The following ZNF831 variants were observed in gnomAD, a reference collection of about 807,000 sequenced individuals.
The protein encoded by ZNF831 is zinc finger protein 831, also known as chromosome 20 open reading frame 174.
A neutral mutation model predicts 95.8 loss-of-function variants in ZNF831; 59 were observed. The ratio of observed to expected loss-of-function variants is 0.62; its 90% CI spans 0.50 to 0.77. ZNF831 has a LOEUF of 0.77. ZNF831 is among the 30% of genes least tolerant of loss of function. ZNF831 has a pLI of 0.00. For missense variants in ZNF831, 2,205 were observed against 2,164.0 expected (o/e 1.02, Z -0.38); for synonymous variants, 961 against 925.5 (o/e 1.04, Z -0.70).
chr20:59,124,611 T>C (rs1424327753), intron 1 of ZNF831, among the ~76,000 whole-genome samples: 1 of 152,108 alleles, frequency 6.6e-6, no homozygotes, highest in Non-Finnish European at 1.5e-5. Flanking sequence ...TCCAGGATCG[T>C]TGCTGTCTGT....
At chr20:59,167,259 C>T (rs1276275160) in intron 1 of ZNF831, among the ~76,000 whole-genome samples, 1 of 152,122 alleles carries the variant, frequency 6.6e-6, no homozygotes, top group African/African-American at 2.4e-5. Flanking sequence ...CATGTGTTTG[C>T]ACACTTTCTA....
intron 1 of ZNF831, among the ~76,000 whole-genome samples, chr20:59,128,967 T>C (rs1979264426): frequency 6.6e-6 from 1 of 152,172 alleles, no homozygotes; most frequent in African/African-American, 2.4e-5. Flanking sequence ...TCACCCGTTG[T>C]TGGCCAGGCT....
chr20:59,254,936 C>T lies in ZNF831; in HGVS notation c.*193C>T, dbSNP rs1044229878. 33 of 668,860 alleles carry T rather than the reference C, an allele frequency of 4.9e-5. No homozygotes were observed. Among genetic ancestry groups the T allele is most frequent in the Middle Eastern group, 4.3e-4 (1 of 2,326 alleles). The allele number at this position is 668,860 out of a possible 1,614,324, so 41.4% of individuals were successfully genotyped here. On this transcript the variant is annotated 3_prime_UTR_variant, in exon 6 of 6. Transcript: ENST00000371030. This position sits in a 1 kb window ranked among gnomAD's most constrained non-coding sequence, Gnocchi z 4.5. Reference sequence around the variant, plus strand: ...TCAGCCGCAGCGTTCCCCAGCTCCCCTTGGGAGTGCTCTGCTCATCTTCAA... The same window carrying T: ...TCAGCCGCAGCGTTCCCCAGCTCCCTTTGGGAGTGCTCTGCTCATCTTCAA...
rs2146546034 is a variant in ZNF831, at chr20:59,191,322, C to T, written c.303C>T (p.Gly101=). 5 of 1,600,140 alleles carry T rather than the reference C, an allele frequency of 3.1e-6. No individual in the cohort carries two copies. The highest frequency in any genetic ancestry group is 4.3e-6 in the Non-Finnish European group (5 of 1,173,520). ...CTGTGCTGCAGCCTGAAGGGCCTGG[C>T]CCCACCCAGGTGGGGAAGCCGGCGG... ...LSPVLQPEGP[G]PTQVGKPAAP... is the part of the protein sequence containing the mutation. The change falls in exon 2 of 6, where the codon GGC becomes GGT. Residue 101 remains glycine, a synonymous_variant. Transcript: ENST00000371030.
chr20:59,249,254 A>G (rs259964), intron 4 of ZNF831, among the ~76,000 whole-genome samples: 77,991 of 151,828 alleles, frequency 0.51, 21,292 homozygotes, highest in East Asian at 0.89. Flanking sequence ...AAGCCCCCTC[A>G]TTACTCTCTT....
In ZNF831 at chr20:59,256,644, G is replaced by A. The variant is rs1287709286; in HGVS notation, c.*1901G>A. 1 of 152,250 alleles carries A rather than the reference G, an allele frequency of 6.6e-6. No homozygotes were observed. Among genetic ancestry groups the A allele is most frequent in the East Asian group, 1.9e-4 (1 of 5,192 alleles). 9.4% of individuals were successfully genotyped at this position (152,250 alleles called of 1,614,324 possible). ...AATTTTTCTGAGAATGGTTGATAGA[G>A]AAGCTGCTCTCTCCTTAAAATGCAT... On this transcript the variant is annotated 3_prime_UTR_variant, in exon 6 of 6. Coordinates refer to ENST00000371030, the MANE Select transcript of ZNF831 (RefSeq NM_178457.3).
intron 1 of ZNF831, among the ~76,000 whole-genome samples, chr20:59,140,385 G>T (rs768418115): frequency 1.3e-5 from 2 of 152,202 alleles, no homozygotes; most frequent in Non-Finnish European, 2.9e-5. Context: ...GCTGGCCAGA[G>T]AGTCTGCTCC....
intron 1 of ZNF831, among the ~76,000 whole-genome samples, chr20:59,168,485 TGAGAATTTGTATGTAGACAATAATCTC>T: frequency 6.6e-6 from 1 of 150,558 alleles, no homozygotes; most frequent in Non-Finnish European, 1.5e-5. Flanking sequence ...GTAGATTCTT[TGAGAATTTGTATGTAGACAATAATCTC>T]ATCTGCAAGT....
intron 3 of ZNF831, among the ~76,000 whole-genome samples, chr20:59,206,653 G>A (rs1158367372): frequency 2.6e-4 from 40 of 152,232 alleles, no homozygotes; most frequent in Admixed American, 2.6e-3. Flanking sequence ...CTAAGCCCTT[G>A]CTATGACTAA....
intron 2 of ZNF831, 96 bp downstream of exon 2, chr20:59,194,853 T>C (rs2146605657): frequency 7.0e-7 from 1 of 1,426,826 alleles, no homozygotes; most frequent in Non-Finnish European, 9.2e-7. Flanking sequence ...AGCCGTCCCA[T>C]GTAGCATCTG....
intron 1 of ZNF831, among the ~76,000 whole-genome samples, chr20:59,185,472 G>A (rs1982942224): frequency 6.6e-6 from 1 of 152,048 alleles, no homozygotes; most frequent in Non-Finnish European, 1.5e-5. Context: ...CTACCCCCAG[G>A]TTGGGCTAAA....
At chr20:59,166,781 A>G (rs898872079) in intron 1 of ZNF831, among the ~76,000 whole-genome samples, 8 of 152,194 alleles carry the variant, frequency 5.3e-5, no homozygotes, top group African/African-American at 1.7e-4. Flanking sequence ...TTTATTGCTC[A>G]GTAGTGTTCT....
At chr20:59,167,166 A>G (rs986766612) in intron 1 of ZNF831, among the ~76,000 whole-genome samples, 2 of 152,038 alleles carry the variant, frequency 1.3e-5, no homozygotes, top group Non-Finnish European at 2.9e-5. Context: ...TTTAATTTAT[A>G]TTTCCCAGGT....
intron 1 of ZNF831, among the ~76,000 whole-genome samples, chr20:59,170,746 C>A (rs972407299): frequency 2.6e-5 from 4 of 152,204 alleles, no homozygotes; most frequent in African/African-American, 9.7e-5. Context: ...CCATTTCTCC[C>A]AGCAAGGACA....
chr20:59,254,026 A>T lies in ZNF831; in HGVS notation c.4317A>T (p.Lys1439Asn), dbSNP rs747219494. 14 of 1,613,942 alleles carry T rather than the reference A, an allele frequency of 8.7e-6. No homozygotes were observed. The highest frequency in any genetic ancestry group is 6.7e-5 in the Admixed American group (4 of 59,994). ...ATGACGTGCCTCTACCCCCTGGCAA[A>T]GGTCTTGACCTTGGGTTGCTGGAGA... ...VVNDVPLPPGKGLDLGLLETQ... is the reference protein window; with the variant it reads ...VVNDVPLPPGNGLDLGLLETQ... The change falls in exon 6 of 6, where the codon AAA becomes AAT. Residue 1439 changes from lysine to asparagine, a missense_variant. By Grantham distance (94) the Lys-to-Asn change is moderately conservative. Coordinates refer to ENST00000371030, the MANE Select transcript of ZNF831 (RefSeq NM_178457.3). This position sits in a 1 kb window ranked among gnomAD's most constrained non-coding sequence, Gnocchi z 4.5.
chr20:59,146,601 C>T (rs567019734), intron 2 of ZNF831: 1 of 152,278 alleles, frequency 6.6e-6, no homozygotes, highest in Non-Finnish European at 1.5e-5. Context: ...TCCTCCTCAC[C>T]TTTCAGCACA....
chr20:59,230,564 G>T (rs1270187341), intron 4 of ZNF831, among the ~76,000 whole-genome samples: 3 of 152,168 alleles, frequency 2.0e-5, no homozygotes, highest in African/African-American at 7.2e-5. Flanking sequence ...AAAGATAAAT[G>T]GACATGGCTG....
At position 59,194,401 on chromosome 20, in the gene ZNF831, C is replaced by A. The variant is rs1001728496; in HGVS notation, c.3382C>A (p.Leu1128Ile). 1 of 1,610,102 alleles carries A rather than the reference C, an allele frequency of 6.2e-7. No individual in the cohort carries two copies. The highest frequency in any genetic ancestry group is 1.1e-5 in the South Asian group (1 of 90,506). The change falls in exon 2 of 6, where the codon CTC becomes ATC. Residue 1128 changes from leucine (L) to isoleucine (I), a missense_variant. By Grantham distance (5) the Leu-to-Ile change is conservative. Coordinates refer to ENST00000371030, the MANE Select transcript of ZNF831 (RefSeq NM_178457.3). ...PLVGPDPCSP[L>I]QPGSFLTALT... ...GGTGGGCCCCGACCCGTGTTCCCCCCTCCAGCCTGGCTCCTTCCTCACTGC... is the reference window on the plus strand; with the variant it reads ...GGTGGGCCCCGACCCGTGTTCCCCCATCCAGCCTGGCTCCTTCCTCACTGC...
intron 2 of ZNF831, among the ~76,000 whole-genome samples, chr20:59,158,229 A>G (rs1263784998): frequency 2.6e-5 from 4 of 151,902 alleles, no homozygotes; most frequent in African/African-American, 7.3e-5. Context: ...ACTCCGGGGG[A>G]GCATTGGGCA....
Sources: gnomAD v4.1 joint callset for allele counts (sites outside exome capture counted in the v4.1 genomes callset) on GRCh38, gnomAD v4.1.1 for gene constraint, Gnocchi (gnomAD v3.1) non-coding constraint, MANE v1.5 for transcripts, NCBI Gene and HGNC (gene_info 2026-07-23, HGNC 2026-07-21) for gene names.